Variants in LIMCH1 observed in about 807,000 individuals in gnomAD.
The protein encoded by LIMCH1 is LIM and calponin homology domains 1.
A neutral mutation model predicts 176.5 loss-of-function variants in LIMCH1; 113 were observed. The ratio of observed to expected loss-of-function variants is 0.64; its 90% CI spans 0.55 to 0.75. LIMCH1 has a LOEUF of 0.75. LIMCH1 is among the 30% of genes least tolerant of loss of function. LIMCH1 has a pLI of 0.00. For synonymous variants in LIMCH1, 619 were observed against 645.9 expected, an observed-to-expected ratio of 0.96 and a Z score of 0.63; for missense variants, 1,674 against 1,814.9, an observed-to-expected ratio of 0.92 and a Z score of 1.41.
rs575184784 is a variant in LIMCH1, at chr4:41,404,607, G to A, written c.96+43671G>A. Among the ~76,000 whole-genome samples, 33 of 152,064 alleles carry A rather than the reference G, an allele frequency of 2.2e-4. 1 individual carries two copies. Among genetic ancestry groups the A allele is most frequent in the South Asian group, 2.1e-3 (10 of 4,802 alleles). ...AGCCTGACCAACATGATGAAACCCC[G>A]TCTCTACTAAAAATACAAAAAATTA... On this transcript the variant is annotated intron_variant, in intron 1 of 26. Coordinates refer to the LIMCH1 transcript ENST00000313860.
chr4:41,442,474 CA>C (rs1184713603), intron 1 of LIMCH1, among the ~76,000 whole-genome samples: 1 of 152,194 alleles, frequency 6.6e-6, no homozygotes, highest in Non-Finnish European at 1.5e-5. Flanking sequence ...ACACATGGCT[CA>C]AATATGTATT....
intron 1 of LIMCH1, among the ~76,000 whole-genome samples, chr4:41,364,126 A>G (rs1274650896): frequency 1.6e-4 from 24 of 152,216 alleles, no homozygotes; most frequent in Admixed American, 1.5e-3. Context: ...TAGCAACAAC[A>G]AAAATGACTA....
chr4:41,365,686 G>A (rs1019901083), intron 1 of LIMCH1, among the ~76,000 whole-genome samples: 1 of 152,254 alleles, frequency 6.6e-6, no homozygotes, highest in African/African-American at 2.4e-5. Flanking sequence ...GAATAGATAT[G>A]TAAATGAGAG....
At chr4:41,423,906 G>A (rs979728733) in intron 1 of LIMCH1, among the ~76,000 whole-genome samples, 79 of 152,016 alleles carry the variant, frequency 5.2e-4, no homozygotes, top group African/African-American at 1.8e-3. Context: ...GTAGCATAGG[G>A]CATCTCAGTG....
At chr4:41,586,748 C>T (rs1371873294) in intron 1 of LIMCH1, among the ~76,000 whole-genome samples, 1 of 152,150 alleles carries the variant, frequency 6.6e-6, no homozygotes, top group Admixed American at 6.5e-5. Flanking sequence ...GGAATCCAGA[C>T]AGTTTTCCTG....
At chr4:41,518,068 A>G (rs568257849) in intron 2 of LIMCH1, among the ~76,000 whole-genome samples, 84 of 152,324 alleles carry the variant, frequency 5.5e-4, no homozygotes, top group African/African-American at 2.0e-3. Flanking sequence ...TAAGATTTAG[A>G]TAGCTCTTCT....
Position 41,507,865 on chromosome 4 carries a change from G to C in LIMCH1, c.167+13259G>C, listed in dbSNP as rs577162938. On this transcript the variant is annotated intron_variant, in intron 2 of 26. Transcript: ENST00000313860. ...AAATCATGTAATGGTGGTGGTGGGAGGGGGGCGGGCAGCTGATTTGAGATC... is the reference window on the plus strand; with the variant it reads ...AAATCATGTAATGGTGGTGGTGGGACGGGGGCGGGCAGCTGATTTGAGATC... Among the ~76,000 whole-genome samples, 72 of 135,920 alleles carry C rather than the reference G, an allele frequency of 5.3e-4. 1 individual carries two copies. Among genetic ancestry groups the C allele is most frequent in the Admixed American group, 2.2e-3 (29 of 13,338 alleles). The allele number at this position is 135,920 out of a possible 152,430, so 89.2% of individuals were successfully genotyped here.
intron 1 of LIMCH1, among the ~76,000 whole-genome samples, chr4:41,439,057 T>C (rs1209822113): frequency 6.6e-6 from 1 of 152,054 alleles, no homozygotes; most frequent in Non-Finnish European, 1.5e-5. Context: ...GGGAGTGCAG[T>C]TGGGAGGCTA....
At chr4:41,439,686 C>T (rs1178979032) in intron 1 of LIMCH1, among the ~76,000 whole-genome samples, 3 of 151,808 alleles carry the variant, frequency 2.0e-5, no homozygotes, top group Admixed American at 1.3e-4. Flanking sequence ...GGGCAGATCA[C>T]GAGGTCAGGA....
intron 1 of LIMCH1, among the ~76,000 whole-genome samples, chr4:41,384,200 A>G (rs1490140029): frequency 1.3e-5 from 2 of 149,696 alleles, no homozygotes; most frequent in South Asian, 2.1e-4. Context: ...TTCACATTAC[A>G]TCCTGCTTTC....
At chr4:41,582,190 T>C (rs1396085973) in intron 1 of LIMCH1, among the ~76,000 whole-genome samples, 2 of 152,194 alleles carry the variant, frequency 1.3e-5, no homozygotes, top group Non-Finnish European at 2.9e-5. Context: ...TCCTGCATGG[T>C]AACTCATGGA....
At chr4:41,540,076 C>T (rs2078424146) in intron 1 of LIMCH1, among the ~76,000 whole-genome samples, 1 of 152,184 alleles carries the variant, frequency 6.6e-6, no homozygotes, top group African/African-American at 2.4e-5. Context: ...GAGTTCAAAT[C>T]CTGGATTTGC....
At chr4:41,650,179 A>G (rs1235970464) in intron 17 of LIMCH1, among the ~76,000 whole-genome samples, 2 of 152,246 alleles carry the variant, frequency 1.3e-5, no homozygotes, top group Admixed American at 6.5e-5. Flanking sequence ...AAGTGGCCCA[A>G]GCAGGCCAAC....
intron 4 of LIMCH1, chr4:41,612,524 AT>A: frequency 1.4e-6 from 1 of 702,270 alleles, no homozygotes; most frequent in Non-Finnish European, 2.6e-6. Context: ...GACCAGAGTT[AT>A]TTTTGTTTTA....
chr4:41,589,997 A>G (rs1254181804), intron 1 of LIMCH1, among the ~76,000 whole-genome samples: 1 of 152,136 alleles, frequency 6.6e-6, no homozygotes, highest in Non-Finnish European at 1.5e-5. Context: ...CTCGTCCTCT[A>G]TCCCCACATC....
At chr4:41,611,733 G>A (rs1665349797) in intron 4 of LIMCH1, among the ~76,000 whole-genome samples, 1 of 152,218 alleles carries the variant, frequency 6.6e-6, no homozygotes, top group South Asian at 2.1e-4. Flanking sequence ...AACATCAAGT[G>A]TAGCTGCAGA....
intron 14 of LIMCH1, among the ~76,000 whole-genome samples, chr4:41,640,125 A>G (rs1345501969): frequency 6.6e-6 from 1 of 152,244 alleles, no homozygotes; most frequent in Non-Finnish European, 1.5e-5. Context: ...GACATAAAGA[A>G]CACTCATGCC....
At chr4:41,433,301 G>C (rs951052040) in intron 1 of LIMCH1, among the ~76,000 whole-genome samples, 1 of 152,128 alleles carries the variant, frequency 6.6e-6, no homozygotes, top group African/African-American at 2.4e-5. Context: ...CCAGTTTTGG[G>C]GGGGAAACAC....
At chr4:41,601,624 T>C (rs1240458872) in intron 2 of LIMCH1, among the ~76,000 whole-genome samples, 1 of 152,188 alleles carries the variant, frequency 6.6e-6, no homozygotes, top group Non-Finnish European at 1.5e-5. Flanking sequence ...AGAATCATTA[T>C]AGAGAAAAAA....
Sources: allele counts gnomAD v4.1 joint callset (sites outside exome capture counted in the v4.1 genomes callset), GRCh38; gene constraint gnomAD v4.1.1; transcripts MANE v1.5; gene names NCBI Gene and HGNC (gene_info 2026-07-23, HGNC 2026-07-21).